MAST4: variants seen among roughly 807,000 people sequenced by gnomAD.
The protein encoded by MAST4 is microtubule-associated serine/threonine-protein kinase 4.
A neutral mutation model predicts 162.7 loss-of-function variants in MAST4; 89 were observed. The observed-to-expected ratio is 0.55, with a 90% CI of 0.46 to 0.65. MAST4 has a LOEUF of 0.65. MAST4 is among the 30% of genes least tolerant of loss of function. The probability of loss-of-function intolerance (pLI) is 0.00; values close to 1 mark genes in which losing one functional copy is unlikely to be tolerated. For synonymous variants in MAST4, 1,479 were observed against 1,361.1 expected (o/e 1.09, Z -1.91); for missense variants, 3,153 against 3,374.0 (o/e 0.93, Z 1.62).
At chr5:67,156,325 C>T (rs1223212641) in intron 26 of MAST4, among the ~76,000 whole-genome samples, 1 of 152,178 alleles carries the variant, frequency 6.6e-6, no homozygotes, top group Non-Finnish European at 1.5e-5. Flanking sequence ...GCTCCGGAGC[C>T]TGCACTTTTT....
chr5:66,599,151 T>C (rs1262345889), intron 1 of MAST4, among the ~76,000 whole-genome samples: 2 of 152,190 alleles, frequency 1.3e-5, no homozygotes, highest in African/African-American at 2.4e-5. Flanking sequence ...TGTAGTTTTT[T>C]CCCCTCTTAT....
At chr5:67,140,036 C>T (rs1355514374) in intron 19 of MAST4, among the ~76,000 whole-genome samples, 1 of 152,228 alleles carries the variant, frequency 6.6e-6, no homozygotes, top group Non-Finnish European at 1.5e-5. Context: ...AAACCCCTGA[C>T]ACTGGCTGCA....
chr5:66,958,626 A>G (rs1745608831), intron 4 of MAST4, among the ~76,000 whole-genome samples: 1 of 152,192 alleles, frequency 6.6e-6, no homozygotes, highest in African/African-American at 2.4e-5. Flanking sequence ...CCCCCAAATT[A>G]ATGCAGTTAG....
rs117961555 is a variant in MAST4, at chr5:67,154,321, G to A, written c.3648+741G>A. On this transcript the variant is annotated intron_variant, in intron 26 of 28. Transcript: ENST00000403625. Reference sequence around the variant, plus strand: ...GTATTTTATGCAGAACAGCTCCTGCGACAGCATATCTCTAGATAGTATCAT... The same window carrying A: ...GTATTTTATGCAGAACAGCTCCTGCAACAGCATATCTCTAGATAGTATCAT... Among the ~76,000 whole-genome samples the A allele has an allele frequency of 2.8e-4, 43 of 152,212 alleles. No homozygotes were observed. The East Asian group carries it at 6.8e-3, about 24-fold the overall frequency.
chr5:67,019,639 A>C (rs376854366), intron 4 of MAST4, among the ~76,000 whole-genome samples: 16 of 152,320 alleles, frequency 1.1e-4, no homozygotes, highest in African/African-American at 3.6e-4. Context: ...TAATTTTCAG[A>C]CATAAGTTGT....
intron 4 of MAST4, among the ~76,000 whole-genome samples, chr5:66,959,795 C>T (rs191782381): frequency 1.3e-5 from 2 of 151,812 alleles, no homozygotes; most frequent in East Asian, 3.9e-4. Flanking sequence ...TTAGAATCCT[C>T]TCTGCAGAAT....
chr5:66,879,343 T>C (rs975112019), intron 3 of MAST4, among the ~76,000 whole-genome samples: 6 of 37,388 alleles, frequency 1.6e-4, no homozygotes, highest in Admixed American at 1.4e-3. Flanking sequence ...GTTTAAAATA[T>C]ATACACACAC....
intron 1 of MAST4, among the ~76,000 whole-genome samples, chr5:66,620,305 C>A (rs1044029259): frequency 6.6e-6 from 1 of 152,020 alleles, no homozygotes; most frequent in African/African-American, 2.4e-5. Flanking sequence ...AATACTACTT[C>A]CCCTCCACAT....
chr5:66,865,989 C>T (rs747462001), intron 3 of MAST4, among the ~76,000 whole-genome samples: 2 of 150,128 alleles, frequency 1.3e-5, no homozygotes, highest in Non-Finnish European at 3.0e-5. Context: ...GCAGGAGAAT[C>T]GCTTGAACCC....
At chr5:66,627,849 A>G (rs1316992786) in intron 1 of MAST4, among the ~76,000 whole-genome samples, 1 of 152,090 alleles carries the variant, frequency 6.6e-6, no homozygotes, top group Non-Finnish European at 1.5e-5. Context: ...TTGGGTTCAC[A>G]CTATGCCCTT....
intron 1 of MAST4, among the ~76,000 whole-genome samples, chr5:66,716,887 G>C (rs1750874738): frequency 6.6e-6 from 1 of 152,020 alleles, no homozygotes; most frequent in African/African-American, 2.4e-5. Flanking sequence ...CTTCTGTTTT[G>C]ACTGAATTCC....
At chr5:66,868,225 G>T (rs1760667993) in intron 3 of MAST4, among the ~76,000 whole-genome samples, 1 of 152,028 alleles carries the variant, frequency 6.6e-6, no homozygotes, top group Non-Finnish European at 1.5e-5. Flanking sequence ...CATAGGATCT[G>T]GTAGGTAGCA....
chr5:66,699,190 A>G (rs1008449755), intron 1 of MAST4, among the ~76,000 whole-genome samples: 10 of 152,082 alleles, frequency 6.6e-5, no homozygotes, highest in African/African-American at 2.4e-4. Flanking sequence ...TTCTCATCTC[A>G]GAGTCTTTGG....
Position 67,162,706 on chromosome 5 carries a change from G to T in MAST4, c.3885G>T (p.Glu1295Asp). The T allele has an allele frequency of 6.2e-7, 1 of 1,613,812 alleles. No homozygotes were observed. The highest frequency in any genetic ancestry group is 8.5e-7 in the Non-Finnish European group (1 of 1,179,874). ...TGAACAGATCCCTGTCATCGGGTGAGAGCCTCCCAGGTTCCCCCACTCATA... is the reference window on the plus strand; with the variant it reads ...TGAACAGATCCCTGTCATCGGGTGATAGCCTCCCAGGTTCCCCCACTCATA... ...SCLNRSLSSG[E>D]SLPGSPTHSL... The change falls in exon 28 of 29, where the codon GAG becomes GAT. Residue 1295 changes from glutamate to aspartate, a missense_variant. Glu to Asp is a conservative substitution (Grantham distance 45). This residue lies in a region of MAST4 where 619 missense variants were observed against 744.2 expected (regional missense o/e 0.83). Coordinates refer to ENST00000403625, the MANE Select transcript of MAST4 (RefSeq NM_001164664.2).
chr5:66,985,289 T>C (rs1749354053), intron 4 of MAST4, among the ~76,000 whole-genome samples: 1 of 152,112 alleles, frequency 6.6e-6, no homozygotes, highest in South Asian at 2.1e-4. Flanking sequence ...TGCCCATCTG[T>C]GCACAGACCA....
intron 3 of MAST4, among the ~76,000 whole-genome samples, chr5:66,803,338 A>G (rs1032481983): frequency 3.3e-5 from 5 of 152,190 alleles, no homozygotes; most frequent in Admixed American, 3.3e-4. Context: ...CCCTCATGCC[A>G]TGGTTGTTCT....
chr5:66,770,072 G>C (rs535031826), intron 2 of MAST4, among the ~76,000 whole-genome samples: 1 of 152,338 alleles, frequency 6.6e-6, no homozygotes, highest in Non-Finnish European at 1.5e-5. Flanking sequence ...TAGTTCATCA[G>C]TAATAGCTTA....
intron 4 of MAST4, chr5:66,930,799 G>A (rs1742110377): frequency 2.1e-6 from 1 of 470,650 alleles, no homozygotes; most frequent in African/African-American, 2.0e-5. Context: ...AATAAGAATG[G>A]GTGTGCCTGC....
At chr5:67,009,291 C>T (rs923414612) in intron 4 of MAST4, among the ~76,000 whole-genome samples, 12 of 152,244 alleles carry the variant, frequency 7.9e-5, no homozygotes, top group East Asian at 7.7e-4. Context: ...TTGCTGTTGA[C>T]GAAAGTGAAG....
Sources: allele counts gnomAD v4.1 joint callset (sites outside exome capture counted in the v4.1 genomes callset), GRCh38; gene constraint gnomAD v4.1.1; regional missense constraint gnomAD v4.1.1; transcripts MANE v1.5; gene names NCBI Gene and HGNC (gene_info 2026-07-23, HGNC 2026-07-21).